Variants in PPP2R2B observed in about 807,000 individuals in gnomAD.
PPP2R2B encodes protein phosphatase 2 regulatory subunit Bbeta, also known as serine/threonine-protein phosphatase 2A 55 kDa regulatory subunit B beta isoform.
In PPP2R2B, 5 loss-of-function variants were observed where a neutral mutation model predicts 46.0. The ratio of observed to expected loss-of-function variants is 0.11; its 90% CI spans 0.06 to 0.23. The LOEUF (loss-of-function observed/expected upper bound fraction) is 0.23. Among genes scored for constraint, PPP2R2B ranks in the 10% least tolerant of loss-of-function variants. The pLI, the probability that PPP2R2B is intolerant of heterozygous loss-of-function variation, is 1.00. For synonymous variants in PPP2R2B, 215 were observed against 206.7 expected (o/e 1.04, Z -0.34); for missense variants, 367 against 575.0 (o/e 0.64, Z 3.70).
At chr5:147,073,022 A>G (rs891074356) in intron 2 of PPP2R2B, among the ~76,000 whole-genome samples, 1 of 152,116 alleles carries the variant, frequency 6.6e-6, no homozygotes, top group African/African-American at 2.4e-5. Context: ...GTCATTAAAA[A>G]CCATGTGGTG....
chr5:146,744,217 C>A (rs954203430), intron 2 of PPP2R2B, among the ~76,000 whole-genome samples: 1 of 152,174 alleles, frequency 6.6e-6, no homozygotes, highest in Non-Finnish European at 1.5e-5. Context: ...CCCCTGCCCC[C>A]ACCCTTTTAA....
chr5:146,594,485 C>G, intron 8 of PPP2R2B, among the ~76,000 whole-genome samples: 1 of 152,182 alleles, frequency 6.6e-6, no homozygotes, highest in Non-Finnish European at 1.5e-5. Flanking sequence ...CCCACTAGCA[C>G]GGAGTGGCAA....
chr5:147,053,259 AAAC>A (rs1756918771), intron 1 of PPP2R2B, among the ~76,000 whole-genome samples: 3 of 151,880 alleles, frequency 2.0e-5, no homozygotes, highest in Non-Finnish European at 4.4e-5. Context: ...AAACAAAACA[AAAC>A]AAACAAACAA....
chr5:146,882,485 G>A (rs1019912140), upstream of PPP2R2B, among the ~76,000 whole-genome samples: 1 of 152,102 alleles, frequency 6.6e-6, no homozygotes, highest in Non-Finnish European at 1.5e-5. Flanking sequence ...CTGTCCTCAA[G>A]CAAGTTACAA....
At chr5:147,006,277 T>C (rs1302059057) in intron 1 of PPP2R2B, among the ~76,000 whole-genome samples, 2 of 152,212 alleles carry the variant, frequency 1.3e-5, no homozygotes, top group Non-Finnish European at 2.9e-5. Context: ...AGCCAAATCT[T>C]AAAGTACTTA....
chr5:146,909,612 A>C (rs1763113174), intron 1 of PPP2R2B, among the ~76,000 whole-genome samples: 1 of 152,234 alleles, frequency 6.6e-6, no homozygotes, highest in Non-Finnish European at 1.5e-5. Flanking sequence ...CACTATCTTA[A>C]ACTGGAATCC....
chr5:147,071,064 T>G (rs1326257230), intron 2 of PPP2R2B, among the ~76,000 whole-genome samples: 1 of 152,044 alleles, frequency 6.6e-6, no homozygotes, highest in African/African-American at 2.4e-5. Flanking sequence ...TCTAGGGATA[T>G]CTGATGGAAA....
chr5:146,696,861 C>CT (rs1242729878), intron 4 of PPP2R2B, among the ~76,000 whole-genome samples: 1 of 152,102 alleles, frequency 6.6e-6, no homozygotes, highest in Non-Finnish European at 1.5e-5. Context: ...TAACTTTCCG[C>CT]TTTTTTCCAT....
chr5:146,724,482 A>C (rs745968128), intron 2 of PPP2R2B, among the ~76,000 whole-genome samples: 6 of 152,220 alleles, frequency 3.9e-5, no homozygotes, highest in Non-Finnish European at 7.3e-5. Context: ...CACAGGGAAC[A>C]CTGAACACAT....
At chr5:146,647,495 G>C (rs985603553) in intron 6 of PPP2R2B, among the ~76,000 whole-genome samples, 1 of 152,192 alleles carries the variant, frequency 6.6e-6, no homozygotes, top group African/African-American at 2.4e-5. Flanking sequence ...ACTTATCATC[G>C]TTCTCATGAT....
At chr5:146,878,937 G>T, upstream of PPP2R2B, 3 of 1,135,796 alleles carry the variant, frequency 2.6e-6, no homozygotes, top group Non-Finnish European at 3.3e-6. This position sits in a 1 kb window ranked among gnomAD's most constrained non-coding sequence, Gnocchi z 4.5. Flanking sequence ...TAGCTTGCAG[G>T]TTCAGGTGGA....
chr5:146,885,341 G>A (rs1762288178), intron 1 of PPP2R2B, among the ~76,000 whole-genome samples: 1 of 152,204 alleles, frequency 6.6e-6, no homozygotes, highest in South Asian at 2.1e-4. Flanking sequence ...GTGAGTGTGT[G>A]TGTGTGTCTA....
intron 5 of PPP2R2B, among the ~76,000 whole-genome samples, chr5:146,668,960 T>C (rs1272899156): frequency 1.3e-5 from 2 of 151,998 alleles, no homozygotes; most frequent in African/African-American, 4.8e-5. Context: ...ATATAAATTA[T>C]TTTCTCCAAT....
In PPP2R2B at chr5:146,899,492, G is replaced by A. The variant is rs1762754776; in HGVS notation, c.79+156173C>T. Among the ~76,000 whole-genome samples the A allele has an allele frequency of 2.0e-5, 3 of 149,516 alleles. No homozygotes were observed. The South Asian group carries it at 6.5e-4, about 33-fold the overall frequency. On this transcript the variant is annotated intron_variant, in intron 1 of 8. Coordinates refer to the PPP2R2B transcript ENST00000336640. The stretch of plus-strand genomic sequence containing the variant: ...ACTGTTGTGGGGTGGGGGGAGGGGT[G>A]AGGGATAGCTTTAGGAGATATACCT...
chr5:147,055,274 C>T (rs939622571), intron 1 of PPP2R2B, among the ~76,000 whole-genome samples: 2 of 152,202 alleles, frequency 1.3e-5, no homozygotes, highest in Non-Finnish European at 2.9e-5. Flanking sequence ...ACCAAGTTAT[C>T]AAACAGACAG....
intron 1 of PPP2R2B, among the ~76,000 whole-genome samples, chr5:146,907,365 T>C (rs1272028056): frequency 6.6e-6 from 1 of 152,232 alleles, no homozygotes. Context: ...CCAGAGCTTC[T>C]TCAGGACATT....
chr5:146,791,195 G>A (rs1467645404), intron 2 of PPP2R2B, among the ~76,000 whole-genome samples: 1 of 152,018 alleles, frequency 6.6e-6, no homozygotes, highest in African/African-American at 2.4e-5. Flanking sequence ...AAGTGGCAGG[G>A]AATTTTACAA....
chr5:147,024,614 G>A (rs1755443975), intron 1 of PPP2R2B, among the ~76,000 whole-genome samples: 1 of 151,976 alleles, frequency 6.6e-6, no homozygotes, highest in South Asian at 2.1e-4. Context: ...AAATCACACA[G>A]AGAACACTCT....
intron 2 of PPP2R2B, among the ~76,000 whole-genome samples, chr5:146,719,303 C>A (rs558521491): frequency 6.6e-6 from 1 of 152,176 alleles, no homozygotes; most frequent in Non-Finnish European, 1.5e-5. Flanking sequence ...TGGTACCTGA[C>A]ACACATAAGC....
Sources: allele counts gnomAD v4.1 joint callset (sites outside exome capture counted in the v4.1 genomes callset), GRCh38; gene constraint gnomAD v4.1.1; non-coding constraint Gnocchi (gnomAD v3.1); transcripts MANE v1.5; gene names NCBI Gene and HGNC (gene_info 2026-07-23, HGNC 2026-07-21).